AOAH: variants seen among roughly 807,000 people sequenced by gnomAD.
The protein encoded by AOAH is acyloxyacyl hydrolase (neutrophil).
AOAH carries 64 observed loss-of-function variants against 92.2 expected under a neutral mutation model. The observed-to-expected ratio is 0.69, with a 90% CI of 0.57 to 0.86. The LOEUF (loss-of-function observed/expected upper bound fraction) is 0.86, where lower values mean the gene tolerates loss of function less well. AOAH is among the 40% of genes least tolerant of loss of function. The pLI, the probability that AOAH is intolerant of heterozygous loss-of-function variation, is 0.00. For synonymous variants in AOAH, 263 were observed against 254.5 expected (o/e 1.03, Z -0.32); for missense variants, 656 against 694.6 (o/e 0.94, Z 0.62).
At chr7:36,651,894 G>C (rs1410299706) in intron 4 of AOAH, among the ~76,000 whole-genome samples, 1 of 152,080 alleles carries the variant, frequency 6.6e-6, no homozygotes, top group Non-Finnish European at 1.5e-5. Flanking sequence ...CACACACACA[G>C]AGACACACAT....
intron 4 of AOAH, among the ~76,000 whole-genome samples, chr7:36,653,782 G>A (rs111942965): frequency 5.3e-4 from 80 of 152,268 alleles, no homozygotes; most frequent in African/African-American, 1.9e-3. Context: ...CCTTGGAGAT[G>A]TTGGTAAATG....
chr7:36,552,966 T>C (rs1001411017), intron 13 of AOAH, among the ~76,000 whole-genome samples: 3 of 152,104 alleles, frequency 2.0e-5, no homozygotes, highest in African/African-American at 4.8e-5. Flanking sequence ...CTTTTTTTTT[T>C]TCTTTTTTTA....
intron 2 of AOAH, among the ~76,000 whole-genome samples, chr7:36,684,673 C>T (rs1292499683): frequency 2.6e-5 from 4 of 151,848 alleles, no homozygotes; most frequent in Non-Finnish European, 5.9e-5. Context: ...CATCTCAGCG[C>T]TTTGGGAGGC....
intron 16 of AOAH, among the ~76,000 whole-genome samples, chr7:36,532,550 C>T (rs1784760698): frequency 6.6e-6 from 1 of 152,186 alleles, no homozygotes; most frequent in African/African-American, 2.4e-5. Flanking sequence ...TGAGGAGGAG[C>T]CCTGAGGAAC....
intron 4 of AOAH, among the ~76,000 whole-genome samples, chr7:36,658,412 A>G (rs1795013248): frequency 6.6e-6 from 1 of 152,212 alleles, no homozygotes; most frequent in South Asian, 2.1e-4. Flanking sequence ...GCAGCTCCTG[A>G]AAATTAATAT....
chr7:36,723,956 G>A (rs1445163141), intron 1 of AOAH, 66 bp downstream of exon 1: 19 of 1,517,132 alleles, frequency 1.3e-5, no homozygotes, highest in Middle Eastern at 1.7e-4. Context: ...GATTTATTAC[G>A]CAAGCAAAGT....
Position 36,530,295 on chromosome 7 carries a change from T to C in AOAH, c.1522+123A>G, listed in dbSNP as rs1784615700. 8 of 655,810 alleles carry C rather than the reference T, an allele frequency of 1.2e-5. No individual in the cohort carries two copies. The South Asian group carries it at 1.5e-4, about 12-fold the overall frequency. 40.6% of individuals were successfully genotyped at this position (655,810 alleles called of 1,614,324 possible). A position where few individuals can be genotyped will look rare whatever the true frequency, so the allele number is the denominator to read the frequency against. On this transcript the variant is annotated intron_variant, in intron 19 of 20. Transcript: ENST00000617537. ...ACTGAGAGCTATTAGTGTGTCAGAA[T>C]AGGCAGGAGTAACCCTGCCGAATCT... is the stretch of plus-strand genomic sequence containing the variant.
At chr7:36,587,662 T>C (rs1249220381) in intron 12 of AOAH, among the ~76,000 whole-genome samples, 2 of 152,170 alleles carry the variant, frequency 1.3e-5, no homozygotes, top group Non-Finnish European at 2.9e-5. Context: ...TATTGCTACA[T>C]ATCACATTAG....
intron 1 of AOAH, among the ~76,000 whole-genome samples, chr7:36,694,709 A>T (rs1797604286): frequency 6.6e-6 from 1 of 152,254 alleles, no homozygotes; most frequent in Non-Finnish European, 1.5e-5. Flanking sequence ...TTATTATTAA[A>T]GAAATTAATC....
At chr7:36,719,087 TTC>T (rs758086487) in intron 1 of AOAH, among the ~76,000 whole-genome samples, 2 of 152,236 alleles carry the variant, frequency 1.3e-5, no homozygotes, top group African/African-American at 4.8e-5. Flanking sequence ...AGTTACTTAT[TTC>T]TGTCTTTATT....
chr7:36,692,631 G>A (rs547433910), intron 1 of AOAH, among the ~76,000 whole-genome samples: 1 of 152,236 alleles, frequency 6.6e-6, no homozygotes, highest in African/African-American at 2.4e-5. Context: ...TGTGTTAAGA[G>A]ACATAAGGTG....
chr7:36,619,655 G>C (rs1792143686), intron 9 of AOAH, among the ~76,000 whole-genome samples: 1 of 152,170 alleles, frequency 6.6e-6, no homozygotes, highest in Non-Finnish European at 1.5e-5. Context: ...CTGGGGCACA[G>C]CTGTCTCTCA....
chr7:36,615,501 G>A (rs906004919), intron 11 of AOAH, among the ~76,000 whole-genome samples: 4 of 152,066 alleles, frequency 2.6e-5, no homozygotes, highest in African/African-American at 7.2e-5. Context: ...ATAACTTATG[G>A]CCACAGGAAG....
chr7:36,645,790 A>G (rs1794186388), intron 4 of AOAH, among the ~76,000 whole-genome samples: 1 of 152,140 alleles, frequency 6.6e-6, no homozygotes, highest in African/African-American at 2.4e-5. Context: ...GGGATGAAAA[A>G]AAAAAGGGTA....
At chr7:36,704,281 A>C (rs1306462709) in intron 1 of AOAH, among the ~76,000 whole-genome samples, 1 of 151,966 alleles carries the variant, frequency 6.6e-6, no homozygotes, top group Non-Finnish European at 1.5e-5. Context: ...GATTGCAAAA[A>C]TTTTCTCCCA....
At chr7:36,592,495 C>T (rs1230226483) in intron 12 of AOAH, among the ~76,000 whole-genome samples, 1 of 152,184 alleles carries the variant, frequency 6.6e-6, no homozygotes, top group Non-Finnish European at 1.5e-5. Flanking sequence ...CATCCCATAG[C>T]TATGCTCTCA....
At chr7:36,583,070 C>G (rs921802774) in intron 12 of AOAH, among the ~76,000 whole-genome samples, 2 of 152,144 alleles carry the variant, frequency 1.3e-5, no homozygotes, top group Non-Finnish European at 2.9e-5. Context: ...GTTTTGAACT[C>G]CTGACCTCAG....
At chr7:36,690,528 C>A (rs760436601) in intron 1 of AOAH, among the ~76,000 whole-genome samples, 2 of 152,200 alleles carry the variant, frequency 1.3e-5, no homozygotes, top group Admixed American at 1.3e-4. Context: ...TAAGAGGTTT[C>A]GCTTCCTTGA....
At chr7:36,659,721 T>A (rs1309975646) in intron 3 of AOAH, among the ~76,000 whole-genome samples, 1 of 152,098 alleles carries the variant, frequency 6.6e-6, no homozygotes, top group Non-Finnish European at 1.5e-5. Context: ...AACAATCTAT[T>A]CTATTCCCTT....
Sources: allele counts gnomAD v4.1 joint callset (sites outside exome capture counted in the v4.1 genomes callset), GRCh38; gene constraint gnomAD v4.1.1; transcripts MANE v1.5; gene names NCBI Gene and HGNC (gene_info 2026-07-23, HGNC 2026-07-21).